CEP192: variants seen among roughly 807,000 people sequenced by gnomAD.
CEP192 encodes the protein centrosomal protein 192, also known as centrosomal protein of 192 kDa.
Under a neutral mutation model 271.8 loss-of-function variants are expected in CEP192, and 151 were observed. The observed-to-expected ratio is 0.56, with a 90% CI of 0.49 to 0.64. The LOEUF is 0.64. CEP192 is among the 30% of genes least tolerant of loss of function. CEP192 has a pLI of 0.00. For synonymous variants in CEP192, 995 were observed against 1,076.5 expected (o/e 0.92, Z 1.48); for missense variants, 2,910 against 3,020.5 (o/e 0.96, Z 0.86).
chr18:13,049,635 G>A lies in CEP192; in HGVS notation c.2844G>A (p.Lys948=). Residue 948 remains lysine (K), a synonymous_variant, in exon 16 of 45, where the codon AAG becomes AAA. Transcript: ENST00000506447. ...TCAGTGAAATAAGCAACAGTGAGAA[G>A]CATGTGACTTTTGAAAACCATCGCA... ...ECVSEISNSE[K]HVTFENHRIV... is the part of the protein sequence containing the mutation. 6.2e-7 allele frequency: 1 copy of A among 1,612,836 alleles called. No individual in the cohort carries two copies.
At position 13,019,181 on chromosome 18, in the gene CEP192, AG is replaced by A; in HGVS notation, c.1028del (p.Gly343ValfsTer17). 1 of 1,544,200 alleles carries A rather than the reference AG, an allele frequency of 6.5e-7. No individual in the cohort carries two copies. The highest frequency in any genetic ancestry group is 1.2e-5 in the South Asian group (1 of 82,576). ...WGTEKEIENL[K>X]GIVPDLNSEC... Reference sequence around the variant, plus strand: ...ACTGAGAAAGAAATAGAAAATTTGAAGGGTATTGTTCCAGATCTTAACAGTG... The same window carrying A: ...ACTGAGAAAGAAATAGAAAATTTGAAGGTATTGTTCCAGATCTTAACAGTG... On this transcript the variant is annotated frameshift_variant, in exon 9 of 45. Coordinates refer to ENST00000506447, the MANE Select transcript of CEP192 (RefSeq NM_032142.4). LOFTEE classifies it high-confidence loss of function.
At chr18:13,091,812 A>G (rs540579954) in intron 33 of CEP192, among the ~76,000 whole-genome samples, 1 of 152,318 alleles carries the variant, frequency 6.6e-6, no homozygotes, top group South Asian at 2.1e-4. Flanking sequence ...TTAAATGAAT[A>G]GTTCTAGTTT....
intron 19 of CEP192, among the ~76,000 whole-genome samples, 176 bp downstream of exon 19, chr18:13,056,874 A>G (rs1264844928): frequency 6.6e-6 from 1 of 152,230 alleles, no homozygotes; most frequent in East Asian, 1.9e-4. Flanking sequence ...TTGGCTTAGA[A>G]AAACGCTACA....
At chr18:13,033,812 T>C (rs533305260) in intron 11 of CEP192, among the ~76,000 whole-genome samples, 3 of 152,332 alleles carry the variant, frequency 2.0e-5, no homozygotes, top group South Asian at 2.1e-4. Context: ...ACATAAAGTA[T>C]TCTAACATTT....
chr18:13,118,037 G>A (rs987594254), intron 44 of CEP192, among the ~76,000 whole-genome samples: 4 of 152,174 alleles, frequency 2.6e-5, no homozygotes, highest in African/African-American at 9.7e-5. Context: ...AAACCTTTCC[G>A]AGTTAATTGG....
chr18:13,111,806 C>G (rs1454715532), intron 40 of CEP192, among the ~76,000 whole-genome samples: 1 of 152,168 alleles, frequency 6.6e-6, no homozygotes, highest in Non-Finnish European at 1.5e-5. Context: ...TTTAAGTGAG[C>G]AGAGGATTTG....
Position 13,103,572 on chromosome 18 carries a change from C to G in CEP192, c.6935C>G (p.Ala2312Gly). The change falls in exon 39 of 45, where the codon GCG (alanine) becomes GGG (glycine). Residue 2312 changes from alanine (A) to glycine (G), a missense_variant. Transcript: ENST00000506447. Reference protein sequence around the residue: ...TDVKWHLSSLAPPYVKGVDES... With the variant: ...TDVKWHLSSLGPPYVKGVDES... Reference sequence around the variant, plus strand: ...GTGAAATGGCATCTGTCATCTTTAGCGCCACCTTATGTCAAGGTCAGTCAT... The same window carrying G: ...GTGAAATGGCATCTGTCATCTTTAGGGCCACCTTATGTCAAGGTCAGTCAT... The G allele has an allele frequency of 1.2e-6, 2 of 1,613,178 alleles. No homozygotes were observed. Among genetic ancestry groups the G allele is most frequent in the Non-Finnish European group, 1.7e-6 (2 of 1,179,178 alleles).
intron 9 of CEP192, among the ~76,000 whole-genome samples, chr18:13,019,495 C>T (rs577688056): frequency 6.6e-6 from 1 of 152,276 alleles, no homozygotes; most frequent in Admixed American, 6.5e-5. Context: ...TTTTACCTTG[C>T]TCAAACATGT....
intron 30 of CEP192, among the ~76,000 whole-genome samples, chr18:13,085,179 C>T (rs2038839028): frequency 6.6e-6 from 1 of 152,088 alleles, no homozygotes; most frequent in South Asian, 2.1e-4. Flanking sequence ...CGTTTGTTGG[C>T]TGCATAAATG....
Position 13,072,042 on chromosome 18 carries a change from G to A in CEP192, c.5349-713G>A, listed in dbSNP as rs146360019. Among the ~76,000 whole-genome samples the A allele has an allele frequency of 4.9e-3, 744 of 152,226 alleles. 9 individuals are homozygous for A. The highest frequency in any genetic ancestry group is 0.016 in the African/African-American group (674 of 41,538). On this transcript the variant is annotated intron_variant, in intron 28 of 44. Coordinates refer to ENST00000506447, the MANE Select transcript of CEP192 (RefSeq NM_032142.4). ...TTCTTCCCCAGTCATTGTACCTGTG[G>A]AAGGCTTTTCCTGGAGATGTCAATA...
At chr18:13,115,096 G>T (rs1404865278) in intron 42 of CEP192, among the ~76,000 whole-genome samples, 2 of 151,826 alleles carry the variant, frequency 1.3e-5, no homozygotes, top group Admixed American at 1.3e-4. Context: ...TTTTTAATGG[G>T]AGCCAATAAT....
At chr18:12,998,444 G>A (rs1349930685) in intron 1 of CEP192, among the ~76,000 whole-genome samples, 1 of 152,180 alleles carries the variant, frequency 6.6e-6, no homozygotes, top group African/African-American at 2.4e-5. Context: ...GCAACCTTGG[G>A]AAAATTGAGC....
At chr18:13,053,405 C>T (rs1252436945) in intron 18 of CEP192, among the ~76,000 whole-genome samples, 1 of 152,134 alleles carries the variant, frequency 6.6e-6, no homozygotes, top group African/African-American at 2.4e-5. Context: ...TTTGCTTCAG[C>T]AAAGGTTTCT....
At chr18:12,996,399 T>G (rs2033241842) in intron 1 of CEP192, among the ~76,000 whole-genome samples, 1 of 149,756 alleles carries the variant, frequency 6.7e-6, no homozygotes, top group South Asian at 2.2e-4. Flanking sequence ...AGGGCAGGCA[T>G]TTCTTGAGGG....
intron 21 of CEP192, among the ~76,000 whole-genome samples, chr18:13,063,930 C>T (rs1047427289): frequency 6.6e-6 from 1 of 151,368 alleles, no homozygotes; most frequent in Non-Finnish European, 1.5e-5. Context: ...AAGCTGTTCT[C>T]CTGCCTCAGC....
At chr18:13,034,426 G>A (rs1370173668) in intron 11 of CEP192, among the ~76,000 whole-genome samples, 3 of 151,554 alleles carry the variant, frequency 2.0e-5, no homozygotes, top group Non-Finnish European at 4.4e-5. Context: ...AAGGAAGGTT[G>A]GAAAAAAGGG....
chr18:13,119,984 C>T (rs1040704478), intron 44 of CEP192, among the ~76,000 whole-genome samples: 1 of 152,188 alleles, frequency 6.6e-6, no homozygotes, highest in African/African-American at 2.4e-5. Flanking sequence ...TGCAGTTAAA[C>T]AGTCATTTTC....
At chr18:13,031,045 G>A (rs550527620) in intron 11 of CEP192, among the ~76,000 whole-genome samples, 8 of 152,228 alleles carry the variant, frequency 5.3e-5, no homozygotes, top group Non-Finnish European at 7.4e-5. Flanking sequence ...GGATAAAAGC[G>A]TGAAAAGAAA....
At position 13,100,591 on chromosome 18, in the gene CEP192, G is replaced by A. The variant is rs183600196; in HGVS notation, c.6871+79G>A. On this transcript the variant is annotated intron_variant, in intron 38 of 44. Coordinates refer to ENST00000506447, the MANE Select transcript of CEP192 (RefSeq NM_032142.4). The stretch of plus-strand genomic sequence containing the variant: ...ATGCTTTATTCTTAGCCATAAGTTG[G>A]TGATAAATATAAATTTCCTCCTACT... The A allele has an allele frequency of 2.6e-6, 3 of 1,147,550 alleles. No individual in the cohort carries two copies. In the Admixed American group the frequency reaches 6.4e-5, roughly 25 times the overall value. 71.1% of individuals were successfully genotyped at this position (1,147,550 alleles called of 1,614,324 possible). A position where few individuals can be genotyped will look rare whatever the true frequency, so the allele number is the denominator to read the frequency against.
Sources: gnomAD v4.1 joint callset for allele counts (sites outside exome capture counted in the v4.1 genomes callset) on GRCh38, gnomAD v4.1.1 for gene constraint, MANE v1.5 for transcripts, NCBI Gene and HGNC (gene_info 2026-07-23, HGNC 2026-07-21) for gene names.